PAQR5: variants seen among roughly 807,000 people sequenced by gnomAD.
PAQR5 encodes progestin and adipoQ receptor family member 5, also known as membrane progestin receptor gamma.
Under a neutral mutation model 34.5 loss-of-function variants are expected in PAQR5, and 20 were observed. That is an observed-to-expected ratio of 0.58 (90% CI 0.41 to 0.84). PAQR5 has a LOEUF of 0.84. PAQR5 is among the 40% of genes least tolerant of loss of function. PAQR5 has a pLI of 0.00. For missense variants in PAQR5, 378 were observed against 412.7 expected (o/e 0.92, Z 0.73); for synonymous variants, 131 against 155.6 (o/e 0.84, Z 1.18).
At chr15:69,393,086 A>T (rs1471185864) in intron 6 of PAQR5, among the ~76,000 whole-genome samples, 2 of 151,748 alleles carry the variant, frequency 1.3e-5, no homozygotes, top group African/African-American at 4.8e-5. Flanking sequence ...CTGAAGTGGG[A>T]GCTGAGGGGA....
At chr15:69,320,111 C>T (rs1379528964) in intron 1 of PAQR5, among the ~76,000 whole-genome samples, 2 of 152,270 alleles carry the variant, frequency 1.3e-5, no homozygotes, top group Admixed American at 6.5e-5. Context: ...GAGTCACCTT[C>T]CATCAGCCTG....
intron 3 of PAQR5, among the ~76,000 whole-genome samples, chr15:69,378,154 C>T (rs2055761657): frequency 6.6e-6 from 1 of 150,462 alleles, no homozygotes; most frequent in Admixed American, 6.7e-5. Context: ...ATCCCCGCTA[C>T]CCGAGGGGGC....
chr15:69,301,852 G>A lies in PAQR5; in HGVS notation c.-277+2796G>A, dbSNP rs546868917. On this transcript the variant is annotated intron_variant, in intron 1 of 8. Transcript: ENST00000395407. Reference sequence around the variant, plus strand: ...AAAAATTGTGAATTCATAAGAAATGGGGGGAGATTTTTTTTTTTTTTTTTT... The same window carrying A: ...AAAAATTGTGAATTCATAAGAAATGAGGGGAGATTTTTTTTTTTTTTTTTT... 3.4e-5 allele frequency among the ~76,000 whole-genome samples: 4 copies of A among 117,906 alleles called. 1 individual carries two copies. Among genetic ancestry groups the A allele is most frequent in the East Asian group, 4.9e-4 (2 of 4,112 alleles). The allele number at this position is 117,906 out of a possible 152,430, so 77.4% of individuals were successfully genotyped here. A position where few individuals can be genotyped will look rare whatever the true frequency, so the allele number is the denominator to read the frequency against.
chr15:69,371,352 T>C (rs926202285), intron 3 of PAQR5, among the ~76,000 whole-genome samples: 2 of 152,126 alleles, frequency 1.3e-5, no homozygotes, highest in African/African-American at 4.8e-5. Context: ...AGTTCAAACA[T>C]TGTAATGAGG....
chr15:69,360,252 C>A (rs778704290), intron 3 of PAQR5, 121 bp downstream of exon 3: 14 of 637,904 alleles, frequency 2.2e-5, no homozygotes, highest in Non-Finnish European at 3.6e-5. Flanking sequence ...CTTCAAGGAC[C>A]CCTTCCCACA....
chr15:69,393,555 G>A (rs1321794765), intron 6 of PAQR5, among the ~76,000 whole-genome samples: 1 of 148,654 alleles, frequency 6.7e-6, no homozygotes, highest in African/African-American at 2.5e-5. Flanking sequence ...ATGCCTTAGT[G>A]TCTTCTCCAA....
intron 5 of PAQR5, among the ~76,000 whole-genome samples, chr15:69,389,137 C>T (rs2056188735): frequency 6.6e-6 from 1 of 152,244 alleles, no homozygotes; most frequent in Non-Finnish European, 1.5e-5. Flanking sequence ...CTCCCTCCAG[C>T]ACTGATCTTT....
At chr15:69,339,168 A>ACCCCCCCCCCCCCCCCCCCCCCC (rs111647955) in intron 2 of PAQR5, among the ~76,000 whole-genome samples, 5 of 134,054 alleles carry the variant, frequency 3.7e-5, no homozygotes, top group Non-Finnish European at 6.6e-5. Context: ...CCCACTGGCT[A>ACCCCCCCCCCCCCCCCCCCCCCC]CACCCCCCAC....
At chr15:69,328,787 T>A (rs1035751482) in intron 1 of PAQR5, among the ~76,000 whole-genome samples, 2 of 152,216 alleles carry the variant, frequency 1.3e-5, no homozygotes, top group African/African-American at 4.8e-5. Flanking sequence ...CCAGGCCCAT[T>A]GCCTCTGGTG....
chr15:69,315,611 T>G (rs534553270), intron 1 of PAQR5, among the ~76,000 whole-genome samples: 1 of 152,318 alleles, frequency 6.6e-6, no homozygotes, highest in East Asian at 1.9e-4. Context: ...TGCAAGGACC[T>G]ATCTCCAAGT....
intron 1 of PAQR5, among the ~76,000 whole-genome samples, chr15:69,318,664 G>A (rs1295630651): frequency 6.6e-6 from 1 of 151,860 alleles, no homozygotes; most frequent in African/African-American, 2.4e-5. Context: ...TTATCTGCAA[G>A]GGAGGTAGTT....
chr15:69,360,692 C>T (rs1039609770), intron 3 of PAQR5, among the ~76,000 whole-genome samples: 2 of 152,188 alleles, frequency 1.3e-5, no homozygotes, highest in Admixed American at 1.3e-4. Flanking sequence ...CATAGGTGAG[C>T]CTGGTTGTGT....
At chr15:69,384,545 TGTTCATCATGGAGGGTGAGCGGGCCCTCC>T in intron 4 of PAQR5, 103 bp from the exon 5 acceptor site, 1 of 232,932 alleles carries the variant, frequency 4.3e-6, no homozygotes, top group South Asian at 5.4e-5. Context: ...GGGCCCTCCG[TGTTCATCATGGAGGGTGAGCGGGCCCTCC>T]GTGTTCATGG....
At chr15:69,361,537 TCA>T (rs2055231576) in intron 3 of PAQR5, among the ~76,000 whole-genome samples, 1 of 152,198 alleles carries the variant, frequency 6.6e-6, no homozygotes, top group African/African-American at 2.4e-5. Context: ...TCTAATTGAC[TCA>T]CAGTTCCTCA....
intron 6 of PAQR5, among the ~76,000 whole-genome samples, chr15:69,392,893 G>A (rs2056311281): frequency 6.6e-6 from 1 of 152,142 alleles, no homozygotes; most frequent in African/African-American, 2.4e-5. Flanking sequence ...AGAGCTGCCA[G>A]AGTCTGCAAG....
At chr15:69,305,119 G>A (rs1024073393) in intron 1 of PAQR5, among the ~76,000 whole-genome samples, 14 of 152,074 alleles carry the variant, frequency 9.2e-5, no homozygotes, top group Admixed American at 7.2e-4. Flanking sequence ...TGTGGTGGGC[G>A]GTGGAGAGGG....
intron 1 of PAQR5, among the ~76,000 whole-genome samples, chr15:69,320,395 A>C (rs886537314): frequency 3.4e-4 from 51 of 152,092 alleles, no homozygotes; most frequent in South Asian, 2.1e-4. Flanking sequence ...CGGCCTGGGC[A>C]TTAGTATTTT....
intron 1 of PAQR5, among the ~76,000 whole-genome samples, chr15:69,334,793 A>G (rs2140690995): frequency 6.6e-6 from 1 of 152,270 alleles, no homozygotes; most frequent in African/African-American, 2.4e-5. Context: ...AATTTTGTCT[A>G]CTTCAGAGGG....
chr15:69,330,431 T>C (rs1429474451), intron 1 of PAQR5, among the ~76,000 whole-genome samples: 2 of 152,140 alleles, frequency 1.3e-5, no homozygotes, highest in East Asian at 3.9e-4. Context: ...GAATTAGAAA[T>C]TATGGTTTAG....
Sources: allele counts gnomAD v4.1 joint callset (sites outside exome capture counted in the v4.1 genomes callset), GRCh38; gene constraint gnomAD v4.1.1; transcripts MANE v1.5; gene names NCBI Gene and HGNC (gene_info 2026-07-23, HGNC 2026-07-21).